The following MYO1D variants were observed in gnomAD, a reference collection of about 807,000 sequenced individuals.
The protein encoded by MYO1D is myosin ID.
Under a neutral mutation model 122.0 loss-of-function variants are expected in MYO1D, and 83 were observed. The observed-to-expected ratio is 0.68, with a 90% CI of 0.57 to 0.82. MYO1D has a LOEUF of 0.82. Ranked by LOEUF, MYO1D falls within the 40% of genes least tolerant of loss-of-function variation. MYO1D has a pLI of 0.00. For missense variants in MYO1D, 1,157 were observed against 1,269.5 expected (o/e 0.91, Z 1.35); for synonymous variants, 464 against 446.9 (o/e 1.04, Z -0.48).
chr17:32,494,636 G>C lies in MYO1D; in HGVS notation c.*123C>G, dbSNP rs564873492. On this transcript the variant is annotated 3_prime_UTR_variant, in exon 22 of 22. Coordinates refer to ENST00000318217, the MANE Select transcript of MYO1D (RefSeq NM_015194.3). ...ACCAGGAAGGAAATCTTACAGGGGC[G>C]GGGCTCCTCTGGGAGGGGCCCTCGC... 1.8e-6 allele frequency: 2 copies of C among 1,130,290 alleles called. No individual in the cohort carries two copies. Among genetic ancestry groups the C allele is most frequent in the African/African-American group, 1.6e-5 (1 of 63,534 alleles). The allele number at this position is 1,130,290 out of a possible 1,614,324, so 70.0% of individuals were successfully genotyped here. A position where few individuals can be genotyped will look rare whatever the true frequency, so the allele number is the denominator to read the frequency against.
At chr17:32,716,699 CTGGTGTTGTT>C (rs375803176) in intron 15 of MYO1D, among the ~76,000 whole-genome samples, 3 of 152,272 alleles carry the variant, frequency 2.0e-5, no homozygotes, top group African/African-American at 7.2e-5. Context: ...ATGGGTAGTG[CTGGTGTTGTT>C]TGTTTCAGGC....
At chr17:32,662,870 G>C (rs1421981041) in intron 16 of MYO1D, among the ~76,000 whole-genome samples, 1 of 151,500 alleles carries the variant, frequency 6.6e-6, no homozygotes, top group Non-Finnish European at 1.5e-5. Flanking sequence ...ATGACTATTT[G>C]AAAGTCTGTT....
At chr17:32,695,200 C>T (rs191387036) in intron 16 of MYO1D, among the ~76,000 whole-genome samples, 123 of 152,334 alleles carry the variant, frequency 8.1e-4, no homozygotes, top group African/African-American at 2.7e-3. Context: ...TACCTCAGAT[C>T]ATCAGGCATT....
At chr17:32,805,672 G>GGA (rs1555543978) in intron 1 of MYO1D, among the ~76,000 whole-genome samples, 1 of 149,300 alleles carries the variant, frequency 6.7e-6, no homozygotes, top group African/African-American at 2.5e-5. Flanking sequence ...ATAATTCTCT[G>GGA]AAAAAAAAAA....
chr17:32,550,307 C>A lies in MYO1D; in HGVS notation c.2864+54780G>T, dbSNP rs150082873. 2.3e-3 allele frequency among the ~76,000 whole-genome samples: 349 copies of A among 152,252 alleles called. 3 individuals carry two copies. Among genetic ancestry groups the A allele is most frequent in the African/African-American group, 8.2e-3 (339 of 41,552 alleles). On this transcript the variant is annotated intron_variant, in intron 21 of 21. Transcript: ENST00000318217. ...TAGAGACGGAGTTTCACTGTGTTGG[C>A]CAGGCTGGTCTCGAACTCCTGATCT...
At chr17:32,829,415 T>A (rs2151064500) in intron 1 of MYO1D, among the ~76,000 whole-genome samples, 1 of 152,340 alleles carries the variant, frequency 6.6e-6, no homozygotes, top group Middle Eastern at 3.4e-3. Flanking sequence ...CCTAGTTCAA[T>A]TACTTTCTAG....
chr17:32,712,490 T>C (rs774757632), intron 15 of MYO1D, among the ~76,000 whole-genome samples: 11 of 152,168 alleles, frequency 7.2e-5, no homozygotes, highest in Non-Finnish European at 1.3e-4. Flanking sequence ...AACATTCTTT[T>C]TACAAACAGA....
Position 32,653,890 on chromosome 17 carries a change from G to C in MYO1D, c.2548C>G (p.Arg850Gly). Residue 850 changes from arginine (R) to glycine (G), a missense_variant, in exon 19 of 22, where the codon CGG becomes GGG. By Grantham distance (125) the Arg-to-Gly change is moderately radical. Coordinates refer to ENST00000318217, the MANE Select transcript of MYO1D (RefSeq NM_015194.3). ...AGGACATTCATGTATTTGTCCTTCC[G>C]TTTCAATTCATTAGCAACAGGGACA... The part of the protein sequence containing the change: ...TFVPVANELK[R>G]KDKYMNVLFS... 1.2e-6 allele frequency: 2 copies of C among 1,613,920 alleles called. No individual in the cohort carries two copies. Among genetic ancestry groups the C allele is most frequent in the Non-Finnish European group, 1.7e-6 (2 of 1,179,918 alleles).
At chr17:32,562,866 C>A (rs191433803) in intron 21 of MYO1D, among the ~76,000 whole-genome samples, 6 of 152,226 alleles carry the variant, frequency 3.9e-5, no homozygotes, top group Admixed American at 3.9e-4. Flanking sequence ...TACAACATAA[C>A]CCTAGAAATA....
At chr17:32,683,221 G>A (rs2088948987) in intron 16 of MYO1D, among the ~76,000 whole-genome samples, 1 of 151,186 alleles carries the variant, frequency 6.6e-6, no homozygotes, top group African/African-American at 2.4e-5. Flanking sequence ...AGAGTAATTT[G>A]ATCGTCTGAA....
At chr17:32,873,984 CT>C (rs2091205302) in intron 1 of MYO1D, among the ~76,000 whole-genome samples, 1 of 152,190 alleles carries the variant, frequency 6.6e-6, no homozygotes, top group African/African-American at 2.4e-5. Context: ...AACTTATTCA[CT>C]GTCACCCAGA....
intron 14 of MYO1D, 96 bp downstream of exon 14, chr17:32,738,157 T>A: frequency 9.2e-7 from 1 of 1,087,232 alleles, no homozygotes. Flanking sequence ...TCAATCTACA[T>A]GATTACCTAA....
In MYO1D at chr17:32,563,204, C is replaced by CTTTTTTTTTTTTTTTTTTTTTTTTTTT. The variant is rs749819200; in HGVS notation, c.2864+41882_2864+41883insAAAAAAAAAAAAAAAAAAAAAAAAAAA. 3.8e-5 allele frequency among the ~76,000 whole-genome samples: 4 copies of CTTTTTTTTTTTTTTTTTTTTTTTTTTT among 105,134 alleles called. 2 individuals carry two copies. Among genetic ancestry groups the CTTTTTTTTTTTTTTTTTTTTTTTTTTT allele is most frequent in the African/African-American group, 8.4e-5 (2 of 23,900 alleles). 69.0% of individuals were successfully genotyped at this position (105,134 alleles called of 152,430 possible). A position where few individuals can be genotyped will look rare whatever the true frequency, so the allele number is the denominator to read the frequency against. ...GCAATTACAGCTCTTTTTTTCTTCT[C>CTTTTTTTTTTTTTTTTTTTTTTTTTTT]TCTTTTTTTTTTTTTTTTTTTTTGA... On this transcript the variant is annotated intron_variant, in intron 21 of 21. Transcript: ENST00000318217.
chr17:32,822,552 G>GTCCGCTCCGGGCCA (rs1555545604), intron 1 of MYO1D, among the ~76,000 whole-genome samples: 2 of 150,146 alleles, frequency 1.3e-5, no homozygotes, highest in African/African-American at 2.4e-5. Context: ...GGGGCGGCTC[G>GTCCGCTCCGGGCCA]GGACGGGGCC....
At chr17:32,555,274 GA>G (rs2087058387) in intron 21 of MYO1D, among the ~76,000 whole-genome samples, 1 of 151,832 alleles carries the variant, frequency 6.6e-6, no homozygotes, top group South Asian at 2.1e-4. Flanking sequence ...AGCTGTGCTG[GA>G]AAAGAACAGT....
At chr17:32,618,020 A>G (rs6505306) in intron 20 of MYO1D, among the ~76,000 whole-genome samples, 23,924 of 152,158 alleles carry the variant, frequency 0.16, 2,074 homozygotes, top group African/African-American at 0.23. Context: ...GTTAATTAGT[A>G]AGTATGCTTT....
At chr17:32,649,032 T>A (rs1412585689) in intron 19 of MYO1D, among the ~76,000 whole-genome samples, 2 of 152,222 alleles carry the variant, frequency 1.3e-5, no homozygotes, top group African/African-American at 4.8e-5. Context: ...CACTTTATGG[T>A]ATAAAAACCA....
At chr17:32,502,652 A>C (rs904602819) in intron 21 of MYO1D, among the ~76,000 whole-genome samples, 1 of 152,228 alleles carries the variant, frequency 6.6e-6, no homozygotes, top group African/African-American at 2.4e-5. Context: ...AGTTTAGCCA[A>C]AATAATTTTA....
intron 19 of MYO1D, among the ~76,000 whole-genome samples, chr17:32,651,401 A>G (rs2088385736): frequency 6.6e-6 from 1 of 152,048 alleles, no homozygotes; most frequent in Non-Finnish European, 1.5e-5. Flanking sequence ...CCTCTCTGAT[A>G]CTCTGCTCCA....
Sources: allele counts gnomAD v4.1 joint callset (sites outside exome capture counted in the v4.1 genomes callset), GRCh38; gene constraint gnomAD v4.1.1; transcripts MANE v1.5; gene names NCBI Gene and HGNC (gene_info 2026-07-23, HGNC 2026-07-21).